Variants in BIRC6 observed in about 807,000 individuals in gnomAD.
BIRC6 encodes the protein baculoviral IAP repeat containing 6, also known as dual E2 ubiquitin-conjugating enzyme/E3 ubiquitin-protein ligase BIRC6.
Under a neutral mutation model 503.3 loss-of-function variants are expected in BIRC6, and 98 were observed. The observed-to-expected ratio is 0.19, with a 90% confidence interval of 0.17 to 0.23. BIRC6 has a LOEUF of 0.23. BIRC6 is among the 10% of genes least tolerant of loss of function. The probability of loss-of-function intolerance (pLI) is 1.00; values close to 1 mark genes in which losing one functional copy is unlikely to be tolerated. For missense variants in BIRC6, 5,360 were observed against 5,806.0 expected, an observed-to-expected ratio of 0.92 and a Z score of 2.50; for synonymous variants, 2,240 against 2,078.7, an observed-to-expected ratio of 1.08 and a Z score of -2.11.
chr2:32,525,377 A>G, intron 58 of BIRC6, 87 bp from the exon 59 acceptor site: 3 of 1,404,216 alleles, frequency 2.1e-6, no homozygotes, highest in Non-Finnish European at 3.0e-6. Flanking sequence ...CTAGGAATGC[A>G]TGCCTTATTA....
At chr2:32,570,488 ATTTG>A (rs146958492) in intron 65 of BIRC6, among the ~76,000 whole-genome samples, 1,982 of 146,512 alleles carry the variant, frequency 0.014, 25 homozygotes, top group Non-Finnish European at 0.021. Flanking sequence ...GTGGCCATTT[ATTTG>A]TTTGTTTGTT....
At chr2:32,557,812 T>G (rs2150578062) in intron 65 of BIRC6, 1 of 152,276 alleles carries the variant, frequency 6.6e-6, no homozygotes, top group Middle Eastern at 3.4e-3. Context: ...TCTTCTTGCT[T>G]CTTAACATCT....
Position 32,509,879 on chromosome 2 carries a change from T to C in BIRC6, c.10122T>C (p.His3374=). The C allele has an allele frequency of 1.9e-6, 3 of 1,613,998 alleles. No homozygotes were observed. The highest frequency in any genetic ancestry group is 2.2e-5 in the East Asian group (1 of 44,882). ...ALLMSPYCGM[H]SPNIEVVLVK... ...TGATGTCACCTTACTGTGGAATGCA[T>C]TCACCCAACATCGAGGTTGTGCTTG... The change falls in exon 52 of 74, where the codon CAT becomes CAC. Residue 3374 remains histidine (H), a synonymous_variant. Coordinates refer to ENST00000421745, the MANE Select transcript of BIRC6 (RefSeq NM_016252.4).
chr2:32,543,810 A>G (rs1459957456), intron 62 of BIRC6, among the ~76,000 whole-genome samples: 1 of 152,232 alleles, frequency 6.6e-6, no homozygotes, highest in Non-Finnish European at 1.5e-5. Context: ...GCAGTTATTT[A>G]GAGCTACCCC....
In BIRC6 at chr2:32,512,958, A is replaced by G. The variant is rs776642609; in HGVS notation, c.10372A>G (p.Ser3458Gly). The G allele has an allele frequency of 1.2e-6, 2 of 1,613,950 alleles. No individual in the cohort carries two copies. Among genetic ancestry groups the G allele is most frequent in the Non-Finnish European group, 8.5e-7 (1 of 1,179,846 alleles). ...DRIQALLKWV[S>G]DSARVAAMKR... ...AATTCAGGCCTTGTTAAAATGGGTT[A>G]GTGATTCTGCAAGAGTGGCTGCTAT... Residue 3458 changes from serine (S) to glycine (G), a missense_variant, in exon 54 of 74, where the codon AGT (serine) becomes GGT (glycine). Ser to Gly is a moderately conservative substitution (Grantham distance 56, BLOSUM62 0). Coordinates refer to ENST00000421745, the MANE Select transcript of BIRC6 (RefSeq NM_016252.4).
chr2:32,575,435 G>A (rs1023821184), intron 66 of BIRC6, 69 bp downstream of exon 66: 2 of 1,450,348 alleles, frequency 1.4e-6, no homozygotes, highest in African/African-American at 1.4e-5. Context: ...CTCCATGGGT[G>A]TTTTTGTTTT....
chr2:32,540,696 G>C (rs1383990266), intron 61 of BIRC6, among the ~76,000 whole-genome samples: 1 of 151,882 alleles, frequency 6.6e-6, no homozygotes, highest in Non-Finnish European at 1.5e-5. Flanking sequence ...TCTACTGTTT[G>C]GTGCTTTTGC....
Position 32,392,114 on chromosome 2 carries a change from A to G in BIRC6, c.915A>G (p.Gln305=), listed in dbSNP as rs2039302200. 6.3e-7 allele frequency: 1 copy of G among 1,595,836 alleles called. No homozygotes were observed. Among genetic ancestry groups the G allele is most frequent in the East Asian group, 2.3e-5 (1 of 44,378 alleles). ...SWPHVGYRWA[Q]PDPMAQAGFY... is the part of the protein sequence containing the mutation. Reference sequence around the variant, plus strand: ...CTCATGTAGGCTATAGGTGGGCACAACCAGATCCCATGGCTCAAGCTGGAT... The same window carrying G: ...CTCATGTAGGCTATAGGTGGGCACAGCCAGATCCCATGGCTCAAGCTGGAT... Residue 305 remains glutamine (Q), a synonymous_variant, in exon 5 of 74, where the codon CAA becomes CAG. Coordinates refer to ENST00000421745, the MANE Select transcript of BIRC6 (RefSeq NM_016252.4).
chr2:32,604,145 A>G (rs1208110197), intron 71 of BIRC6, among the ~76,000 whole-genome samples: 2 of 152,266 alleles, frequency 1.3e-5, no homozygotes, highest in South Asian at 2.1e-4. Context: ...TCTCTCATTC[A>G]TCCTGTAACA....
rs116388757 is a variant in BIRC6, at chr2:32,583,725, C to T, written c.13355+8359C>T. Among the ~76,000 whole-genome samples the T allele has an allele frequency of 5.5e-3, 837 of 152,050 alleles. 12 individuals are homozygous for T. Among genetic ancestry groups the T allele is most frequent in the African/African-American group, 0.019 (782 of 41,466 alleles). ...TTTACCTATACCTATAATGCTAAAACGTATTGTAATTTTTTTTCCCCCTGA... is the reference window on the plus strand; with the variant it reads ...TTTACCTATACCTATAATGCTAAAATGTATTGTAATTTTTTTTCCCCCTGA... On this transcript the variant is annotated intron_variant, in intron 66 of 73. Transcript: ENST00000421745.
intron 45 of BIRC6, among the ~76,000 whole-genome samples, chr2:32,496,185 GT>G (rs2052447520): frequency 6.6e-6 from 1 of 151,166 alleles, no homozygotes; most frequent in African/African-American, 2.4e-5. Context: ...TCCCTTTGTA[GT>G]TTTTCAAATA....
At chr2:32,513,577 C>T (rs1158307309) in intron 54 of BIRC6, among the ~76,000 whole-genome samples, 1 of 151,882 alleles carries the variant, frequency 6.6e-6, no homozygotes, top group Non-Finnish European at 1.5e-5. Flanking sequence ...AGTTCAAGAC[C>T]AGCTTGGGCA....
chr2:32,551,845 T>G (rs2058445750), intron 65 of BIRC6, among the ~76,000 whole-genome samples: 1 of 152,198 alleles, frequency 6.6e-6, no homozygotes, highest in Non-Finnish European at 1.5e-5. Flanking sequence ...AATACTGATA[T>G]TTTTACAGAA....
intron 1 of BIRC6, among the ~76,000 whole-genome samples, chr2:32,368,795 G>A (rs1335377763): frequency 1.3e-5 from 2 of 152,068 alleles, no homozygotes; most frequent in East Asian, 3.9e-4. Context: ...GGGATTACAG[G>A]TGTGTACCAC....
At chr2:32,451,754 C>T (rs1663478462) in intron 22 of BIRC6, among the ~76,000 whole-genome samples, 1 of 152,152 alleles carries the variant, frequency 6.6e-6, no homozygotes. Context: ...CCCATTTGCA[C>T]TGCGTTATTT....
At chr2:32,383,127 A>T (rs919370208) in intron 3 of BIRC6, among the ~76,000 whole-genome samples, 16 of 150,440 alleles carry the variant, frequency 1.1e-4, no homozygotes, top group Admixed American at 6.6e-4. Flanking sequence ...GCTCACTGCA[A>T]GTTCCACCTC....
At chr2:32,577,031 C>A (rs2060316661) in intron 66 of BIRC6, among the ~76,000 whole-genome samples, 1 of 152,034 alleles carries the variant, frequency 6.6e-6, no homozygotes, top group Non-Finnish European at 1.5e-5. Flanking sequence ...TGGCCCCCCC[C>A]AGAATCTTTC....
chr2:32,435,211 G>A (rs1283049233), intron 13 of BIRC6, among the ~76,000 whole-genome samples: 1 of 152,202 alleles, frequency 6.6e-6, no homozygotes, highest in African/African-American at 2.4e-5. Context: ...GTACCAGGCA[G>A]CCTAGGGTAA....
intron 57 of BIRC6, chr2:32,522,691 A>T (rs927498048): frequency 2.0e-5 from 3 of 152,152 alleles, no homozygotes; most frequent in Non-Finnish European, 2.9e-5. Context: ...TTAGGAATTC[A>T]CTAGATGTCT....
Sources: gnomAD v4.1 joint callset for allele counts (sites outside exome capture counted in the v4.1 genomes callset) on GRCh38, gnomAD v4.1.1 for gene constraint, MANE v1.5 for transcripts, NCBI Gene and HGNC (gene_info 2026-07-23, HGNC 2026-07-21) for gene names.